The following SULF1 variants were observed in gnomAD, a reference collection of about 807,000 sequenced individuals.
The protein encoded by SULF1 is sulfatase 1, also known as extracellular sulfatase Sulf-1.
In SULF1, 46 loss-of-function variants were observed where a neutral mutation model predicts 110.5. The ratio of observed to expected loss-of-function variants is 0.42; its 90% CI spans 0.33 to 0.53. The LOEUF is 0.53. Ranked by LOEUF, SULF1 falls within the 20% of genes least tolerant of loss-of-function variation. The pLI is 0.12. For missense variants in SULF1, 941 were observed against 1,094.2 expected (o/e 0.86, Z 1.98); for synonymous variants, 371 against 387.1 (o/e 0.96, Z 0.49).
At position 69,586,448 on chromosome 8, in the gene SULF1, CT is replaced by C; in HGVS notation, c.505del (p.Tyr169IlefsTer26). The C allele has an allele frequency of 1.9e-6, 3 of 1,612,038 alleles. No homozygotes were observed. The highest frequency in any genetic ancestry group is 2.5e-6 in the Non-Finnish European group (3 of 1,179,516). ...TTGGATTAATCAAGAATTCTCGCTT[CT>C]ATAATTACACTGTTTGTCGCAATGG... ...WLGLIKNSRF[Y>X]NYTVCRNGIK... is the part of the protein sequence containing the mutation. On this transcript the variant is annotated frameshift_variant, in exon 7 of 23. Coordinates refer to ENST00000402687, the MANE Select transcript of SULF1 (RefSeq NM_001128205.2). LOFTEE classifies it high-confidence loss of function.
chr8:69,530,942 T>C (rs1813039371), intron 3 of SULF1, among the ~76,000 whole-genome samples: 1 of 152,188 alleles, frequency 6.6e-6, no homozygotes, highest in Non-Finnish European at 1.5e-5. Flanking sequence ...CCTACTGTAC[T>C]CCAGACAGAA....
At chr8:69,501,393 G>A (rs1003450402) in intron 2 of SULF1, among the ~76,000 whole-genome samples, 1 of 152,148 alleles carries the variant, frequency 6.6e-6, no homozygotes, top group Admixed American at 6.5e-5. Flanking sequence ...TCAAAAATGT[G>A]GAATATAAAC....
chr8:69,546,029 C>T (rs967063827), intron 3 of SULF1, among the ~76,000 whole-genome samples: 1 of 152,146 alleles, frequency 6.6e-6, no homozygotes, highest in African/African-American at 2.4e-5. Flanking sequence ...CCACACAATC[C>T]TTTCATTACG....
intron 1 of SULF1, among the ~76,000 whole-genome samples, chr8:69,475,682 A>G (rs1194971023): frequency 6.6e-6 from 1 of 152,236 alleles, no homozygotes; most frequent in African/African-American, 2.4e-5. Flanking sequence ...TTTATCTGTT[A>G]TCTGTGAACA....
intron 6 of SULF1, among the ~76,000 whole-genome samples, chr8:69,579,365 A>G (rs922659516): frequency 6.6e-6 from 1 of 151,882 alleles, no homozygotes; most frequent in Admixed American, 6.6e-5. Flanking sequence ...CCTGGCCAAA[A>G]TAGCAAAACC....
intron 2 of SULF1, among the ~76,000 whole-genome samples, chr8:69,496,935 G>T (rs1810403278): frequency 6.6e-6 from 1 of 152,112 alleles, no homozygotes; most frequent in Non-Finnish European, 1.5e-5. Context: ...TTTCTCTTGG[G>T]TTTGGCTTCC....
In SULF1 at chr8:69,633,459, G is replaced by T. The variant is rs149529688; in HGVS notation, c.2284+3780G>T. ...TTCTCTTGCCTCAGCCTCCCAAGTA[G>T]CTGGGATTACAGGCGGCCACCACCA... On this transcript the variant is annotated intron_variant, in intron 19 of 22. Transcript: ENST00000402687. Among the ~76,000 whole-genome samples, 1,677 of 151,562 alleles carry T rather than the reference G, an allele frequency of 0.011. 70 individuals are homozygous for T. In the East Asian group the frequency reaches 0.14, roughly 12 times the overall value.
chr8:69,618,470 T>A (rs972562935), intron 13 of SULF1, among the ~76,000 whole-genome samples: 1 of 152,356 alleles, frequency 6.6e-6, no homozygotes, highest in East Asian at 1.9e-4. Context: ...AGAGTATGTA[T>A]GTAGGCTAAA....
At chr8:69,486,551 A>G (rs1338530370) in intron 1 of SULF1, among the ~76,000 whole-genome samples, 1 of 152,114 alleles carries the variant, frequency 6.6e-6, no homozygotes, top group Non-Finnish European at 1.5e-5. Context: ...AGTTTACTAG[A>G]GTTTTTGGTA....
chr8:69,583,298 T>C (rs897779388), intron 6 of SULF1, among the ~76,000 whole-genome samples: 6 of 152,080 alleles, frequency 3.9e-5, no homozygotes, highest in African/African-American at 1.4e-4. Flanking sequence ...GCGCAGCGCC[T>C]CATGCCTGTA....
chr8:69,521,381 A>C (rs1812286055), intron 3 of SULF1, among the ~76,000 whole-genome samples: 1 of 152,146 alleles, frequency 6.6e-6, no homozygotes, highest in South Asian at 2.1e-4. Flanking sequence ...TATTTGTACT[A>C]TGAAACAAAA....
upstream of SULF1, chr8:69,492,673 T>C (rs904546778): frequency 6.6e-5 from 10 of 152,272 alleles, no homozygotes; most frequent in African/African-American, 9.7e-5. Flanking sequence ...TGCCCTTTTT[T>C]TTCCCCCAGT....
At chr8:69,572,447 A>G (rs997863216) in intron 5 of SULF1, among the ~76,000 whole-genome samples, 4 of 152,200 alleles carry the variant, frequency 2.6e-5, no homozygotes, top group Admixed American at 2.6e-4. Context: ...CACTTAGAAG[A>G]GAACCTGGCT....
chr8:69,498,425 C>T (rs1810535654), intron 2 of SULF1, among the ~76,000 whole-genome samples: 1 of 152,250 alleles, frequency 6.6e-6, no homozygotes, highest in African/African-American at 2.4e-5. Flanking sequence ...CCTGACTGTC[C>T]TTTACAGTGA....
At chr8:69,599,440 GC>G (rs1382358888) in intron 8 of SULF1, among the ~76,000 whole-genome samples, 1 of 152,108 alleles carries the variant, frequency 6.6e-6, no homozygotes, top group Non-Finnish European at 1.5e-5. Context: ...TGGAATTCAG[GC>G]CTGTTTCTAC....
chr8:69,623,915 T>C (rs1402695125), intron 14 of SULF1, 27 bp from the exon 15 acceptor site: 4 of 1,593,356 alleles, frequency 2.5e-6, no homozygotes, highest in African/African-American at 1.3e-5. Context: ...AGGACATCCA[T>C]AGTAATGTAT....
At chr8:69,562,231 CGT>C (rs111266347) in intron 3 of SULF1, among the ~76,000 whole-genome samples, 85 of 152,240 alleles carry the variant, frequency 5.6e-4, no homozygotes, top group African/African-American at 2.0e-3. Flanking sequence ...AATGGGGATA[CGT>C]GTGTGTGTTT....
chr8:69,616,823 G>C (rs575967603), intron 13 of SULF1, among the ~76,000 whole-genome samples: 8 of 151,612 alleles, frequency 5.3e-5, no homozygotes, highest in Non-Finnish European at 1.2e-4. Flanking sequence ...AAAGTGCTGG[G>C]ATTACAGGCG....
At position 69,624,095 on chromosome 8, in the gene SULF1, G is replaced by A; in HGVS notation, c.1748G>A (p.Gly583Glu). The A allele has an allele frequency of 6.2e-7, 1 of 1,614,028 alleles. No individual in the cohort carries two copies. The highest frequency in any genetic ancestry group is 8.5e-7 in the Non-Finnish European group (1 of 1,179,992). Residue 583 changes from glycine (G) to glutamate (E), a missense_variant, in exon 15 of 23, where the codon GGG becomes GAG. Physicochemically the swap from Gly to Glu is moderately conservative, Grantham distance 98. Coordinates refer to ENST00000402687, the MANE Select transcript of SULF1 (RefSeq NM_001128205.2). ...IAKRHDEGHK[G>E]PRDLQASSGG... ...AAGCGTCATGATGAAGGCCACAAGGGGCCAAGAGATCTCCAGGCTTCCAGT... is the reference window on the plus strand; with the variant it reads ...AAGCGTCATGATGAAGGCCACAAGGAGCCAAGAGATCTCCAGGCTTCCAGT...
Sources: gnomAD v4.1 joint callset for allele counts (sites outside exome capture counted in the v4.1 genomes callset) on GRCh38, gnomAD v4.1.1 for gene constraint, MANE v1.5 for transcripts, NCBI Gene and HGNC (gene_info 2026-07-23, HGNC 2026-07-21) for gene names.